The following TRIM14 variants were observed in gnomAD, a reference collection of about 807,000 sequenced individuals.
TRIM14 encodes the protein tripartite motif-containing protein 14.
TRIM14 carries 28 observed loss-of-function variants against 44.5 expected under a neutral mutation model. That is an observed-to-expected ratio of 0.63 (90% CI 0.47 to 0.86). TRIM14 has a LOEUF of 0.86. Ranked by LOEUF, TRIM14 falls within the 40% of genes least tolerant of loss-of-function variation. The pLI is 0.00. For synonymous variants in TRIM14, 299 were observed against 269.2 expected (o/e 1.11, Z -1.08); for missense variants, 607 against 611.1 (o/e 0.99, Z 0.07).
chr9:98,059,730 GTT>G, the TRIM14 span, among the ~76,000 whole-genome samples: 1 of 139,522 alleles, frequency 7.2e-6, no homozygotes, highest in Non-Finnish European at 1.6e-5. Flanking sequence ...AGTGTTTTTT[GTT>G]TTTTTTTTTT....
chr9:98,066,074 C>T (rs17806613), downstream of TRIM14, among the ~76,000 whole-genome samples: 7,283 of 152,262 alleles, frequency 0.048, 263 homozygotes, highest in South Asian at 0.089. Context: ...CATCCCTCCT[C>T]CTCCATAGTT....
chr9:98,039,502 T>C, the TRIM14 span, among the ~76,000 whole-genome samples: 3 of 152,164 alleles, frequency 2.0e-5, no homozygotes. Context: ...GGCTCTAGAT[T>C]GCCTTTGTAG....
intron 5 of TRIM14, among the ~76,000 whole-genome samples, chr9:98,088,739 C>T (rs898770289): frequency 7.9e-5 from 12 of 152,204 alleles, no homozygotes; most frequent in African/African-American, 2.4e-4. Flanking sequence ...TACATTTTTA[C>T]GTATCTGATT....
At chr9:98,049,911 G>T in the TRIM14 span, among the ~76,000 whole-genome samples, 1 of 152,196 alleles carries the variant, frequency 6.6e-6, no homozygotes, top group South Asian at 2.1e-4. Context: ...TAAGTTTAAA[G>T]ATGTTTGATT....
At chr9:98,082,998 G>T (rs750430271), downstream of TRIM14, 1 of 1,614,162 alleles carries the variant, frequency 6.2e-7, no homozygotes, top group Non-Finnish European at 8.5e-7. Flanking sequence ...CTGTTGAAGA[G>T]GATGACACCA....
chr9:98,076,638 G>A, intron 6 of TRIM14: 1 of 374,586 alleles, frequency 2.7e-6, no homozygotes, highest in South Asian at 3.0e-5. Flanking sequence ...GCCTCCCAAA[G>A]TGCAGGCATG....
chr9:98,107,085 A>G (rs1195703922), intron 2 of TRIM14, among the ~76,000 whole-genome samples: 2 of 152,202 alleles, frequency 1.3e-5, no homozygotes, highest in African/African-American at 4.8e-5. Flanking sequence ...AAACCATGAT[A>G]AGGTATCACT....
chr9:98,087,706 T>C lies in TRIM14; in HGVS notation c.1093A>G (p.Lys365Glu), dbSNP rs1292888744. 6.3e-7 allele frequency: 1 copy of C among 1,598,190 alleles called. No homozygotes were observed. Among genetic ancestry groups the C allele is most frequent in the African/African-American group, 1.3e-5 (1 of 74,922 alleles). The change falls in exon 6 of 6, where the codon AAG becomes GAG. Residue 365 changes from lysine (K) to glutamate (E), a missense_variant. Coordinates refer to ENST00000341469, the MANE Select transcript of TRIM14 (RefSeq NM_014788.4). Reference protein sequence around the residue: ...LGCNRQSWCLKRYDLEYWAFH... With the variant: ...LGCNRQSWCLERYDLEYWAFH... ...GCCCAGTACTCAAGGTCGTAGCGCT[T>C]GAGGCACCAGGACTGGCGGTTGCAG... is the stretch of plus-strand genomic sequence containing the variant.
the TRIM14 span, among the ~76,000 whole-genome samples, chr9:98,052,387 A>G: frequency 6.6e-6 from 1 of 151,980 alleles, no homozygotes; most frequent in East Asian, 1.9e-4. Context: ...ATAAGATCCA[A>G]GAAGAGAAAA....
In TRIM14 at chr9:98,091,928, C is replaced by G; in HGVS notation, c.774G>C (p.Glu258Asp). The change falls in exon 5 of 6, where the codon GAG (glutamate) becomes GAC (aspartate). Residue 258 changes from glutamate (E) to aspartate (D), a missense_variant. This residue lies in a region of TRIM14 where 356 missense variants were observed against 323.0 expected (regional missense o/e 1.10). Transcript: ENST00000341469. ...TCTTACATTTCAGCAATAGCGATCG[C>G]TCTGGTGAGGGGCTGGTTTTCAACA... is the stretch of plus-strand genomic sequence containing the variant. ...GTLLKTSPSP[E>D]RSLLLKYART... 6.2e-7 allele frequency: 1 copy of G among 1,606,936 alleles called. No homozygotes were observed. The highest frequency in any genetic ancestry group is 8.5e-7 in the Non-Finnish European group (1 of 1,175,216).
the TRIM14 span, among the ~76,000 whole-genome samples, chr9:98,040,592 A>G: frequency 6.6e-6 from 1 of 150,996 alleles, no homozygotes; most frequent in East Asian, 1.9e-4. Flanking sequence ...TCTCCACTCA[A>G]GACCTCTGCT....
chr9:98,057,103 C>G, the TRIM14 span, among the ~76,000 whole-genome samples: 1 of 152,246 alleles, frequency 6.6e-6, no homozygotes, highest in Non-Finnish European at 1.5e-5. Context: ...TCTTCCTCAC[C>G]GTGTCCGCCA....
chr9:98,111,740 G>A (rs1311208352), intron 1 of TRIM14, among the ~76,000 whole-genome samples: 1 of 152,138 alleles, frequency 6.6e-6, no homozygotes, highest in South Asian at 2.1e-4. Flanking sequence ...AGGGGTTCGA[G>A]ACAGCCTGAC....
the TRIM14 span, among the ~76,000 whole-genome samples, chr9:98,042,036 T>C: frequency 6.6e-6 from 1 of 151,674 alleles, no homozygotes; most frequent in African/African-American, 2.4e-5. Flanking sequence ...GGCTCATGCC[T>C]CTAATCCCAG....
chr9:98,070,583 A>C (rs1324498361), intron 6 of TRIM14, among the ~76,000 whole-genome samples: 1 of 150,584 alleles, frequency 6.6e-6, no homozygotes, highest in African/African-American at 2.4e-5. Context: ...ACCACACCCG[A>C]CTAATTTTTG....
Position 98,104,755 on chromosome 9 carries a change from G to A in TRIM14, c.304-4591C>T, listed in dbSNP as rs147824123. ...GAGAAAGAAGCTGAACAGCCATGAAGCCCCGGTCAGGGAAGGCTGGGGGAT... is the reference window on the plus strand; with the variant it reads ...GAGAAAGAAGCTGAACAGCCATGAAACCCCGGTCAGGGAAGGCTGGGGGAT... On this transcript the variant is annotated intron_variant, in intron 2 of 5. Transcript: ENST00000341469. 1.1e-4 allele frequency among the ~76,000 whole-genome samples: 16 copies of A among 152,288 alleles called. No homozygotes were observed. The East Asian group carries it at 3.1e-3, about 29-fold the overall frequency.
intron 4 of TRIM14, 99 bp from the exon 5 acceptor site, chr9:98,092,100 G>A (rs991120604): frequency 5.9e-6 from 5 of 854,476 alleles, no homozygotes; most frequent in East Asian, 2.7e-5. Context: ...GCATAATCTC[G>A]CCCAAGAGCC....
chr9:98,073,158 C>A (rs1033749774), intron 6 of TRIM14, among the ~76,000 whole-genome samples: 2 of 152,110 alleles, frequency 1.3e-5, no homozygotes, highest in Non-Finnish European at 2.9e-5. Context: ...CAGCACCTGC[C>A]TCTGTCCTAG....
downstream of TRIM14, chr9:98,081,870 T>TAA (rs1829878105): frequency 6.6e-6 from 1 of 152,166 alleles, no homozygotes; most frequent in Non-Finnish European, 1.5e-5. Flanking sequence ...GAAATTAAAA[T>TAA]AAAGTAAAAA....
Sources: allele counts gnomAD v4.1 joint callset (sites outside exome capture counted in the v4.1 genomes callset), GRCh38; gene constraint gnomAD v4.1.1; regional missense constraint gnomAD v4.1.1; transcripts MANE v1.5; gene names NCBI Gene and HGNC (gene_info 2026-07-23, HGNC 2026-07-21).